The following COL19A1 variants were observed in gnomAD, a reference collection of about 807,000 sequenced individuals.
COL19A1 encodes the protein collagen type XIX alpha 1 chain, also known as collagen alpha-1(XIX) chain.
In COL19A1, 159 loss-of-function variants were observed where a neutral mutation model predicts 190.2. The ratio of observed to expected loss-of-function variants is 0.84; its 90% CI spans 0.73 to 0.95. The LOEUF (loss-of-function observed/expected upper bound fraction) is 0.95, where lower values mean the gene tolerates loss of function less well. Ranked by LOEUF, COL19A1 falls within the 40% of genes least tolerant of loss-of-function variation. The pLI is 0.00. For synonymous variants in COL19A1, 509 were observed against 458.9 expected, an observed-to-expected ratio of 1.11 and a Z score of -1.39; for missense variants, 1,418 against 1,431.9, an observed-to-expected ratio of 0.99 and a Z score of 0.16.
At chr6:69,934,449 GA>G (rs1772975658) in intron 7 of COL19A1, among the ~76,000 whole-genome samples, 1 of 151,730 alleles carries the variant, frequency 6.6e-6, no homozygotes, top group South Asian at 2.1e-4. Flanking sequence ...ATGATATTTT[GA>G]TATATCTGAA....
intron 25 of COL19A1, 42 bp downstream of exon 25, chr6:70,145,049 A>G (rs1249202851): frequency 6.7e-6 from 9 of 1,335,628 alleles, no homozygotes; most frequent in Non-Finnish European, 9.5e-6. Context: ...TTGCAAGTTC[A>G]TTAATTACTA....
intron 15 of COL19A1, among the ~76,000 whole-genome samples, chr6:70,082,813 A>T (rs1012395062): frequency 5.3e-5 from 8 of 152,192 alleles, no homozygotes; most frequent in Non-Finnish European, 1.0e-4. Context: ...ACTGGGGTTG[A>T]AGATAGGGTT....
chr6:70,180,331 G>A lies in COL19A1; in HGVS notation c.2687G>A (p.Gly896Glu), dbSNP rs761159809. ...TGCCAGGGAAAACCTGGTGCCCCAG[G>A]GCCTCCAGGAGTTCCAGGGGAACCG... ...AGMSGKPGAP[G>E]PPGVPGEPGE... Residue 896 changes from glycine to glutamate, a missense_variant, in exon 43 of 51, where the codon GGG becomes GAG. Gly to Glu is a moderately conservative substitution (Grantham distance 98). Transcript: ENST00000620364. The A allele has an allele frequency of 3.1e-6, 5 of 1,614,080 alleles. No individual in the cohort carries two copies. Among genetic ancestry groups the A allele is most frequent in the Non-Finnish European group, 4.2e-6 (5 of 1,180,004 alleles).
chr6:69,921,481 T>TATATTCATATATATCATATATATTC (rs1771892125), intron 4 of COL19A1, among the ~76,000 whole-genome samples: 3 of 86,412 alleles, frequency 3.5e-5, no homozygotes, highest in African/African-American at 1.8e-4. Flanking sequence ...CATATATTCA[T>TATATTCATATATATCATATATATTC]ATATATTCAT....
intron 15 of COL19A1, among the ~76,000 whole-genome samples, chr6:70,072,566 T>C (rs368363077): frequency 2.6e-5 from 4 of 152,154 alleles, no homozygotes; most frequent in African/African-American, 9.7e-5. Context: ...TGCTCTCAAT[T>C]TATCCTCTCT....
intron 7 of COL19A1, among the ~76,000 whole-genome samples, chr6:69,933,887 A>C (rs1772938982): frequency 6.6e-6 from 1 of 152,122 alleles, no homozygotes; most frequent in East Asian, 1.9e-4. Flanking sequence ...GGACAGAAAG[A>C]TATTCAAAGG....
At chr6:70,079,047 A>G (rs1349361992) in intron 15 of COL19A1, among the ~76,000 whole-genome samples, 1 of 152,208 alleles carries the variant, frequency 6.6e-6, no homozygotes, top group Non-Finnish European at 1.5e-5. Context: ...AGTGTGGGCG[A>G]CAAAGGAGAC....
At chr6:70,123,348 A>G (rs1349418199) in intron 17 of COL19A1, among the ~76,000 whole-genome samples, 1 of 152,024 alleles carries the variant, frequency 6.6e-6, no homozygotes, top group Non-Finnish European at 1.5e-5. Flanking sequence ...GAACACTTTT[A>G]CATTGTTGGT....
chr6:69,969,827 G>A (rs1775320825), intron 11 of COL19A1, among the ~76,000 whole-genome samples: 1 of 152,166 alleles, frequency 6.6e-6, no homozygotes, highest in Admixed American at 6.5e-5. Context: ...GGGTGGCTGG[G>A]CTAGTTTGGC....
intron 34 of COL19A1, 124 bp downstream of exon 34, chr6:70,156,847 A>G: frequency 1.7e-6 from 1 of 577,826 alleles, no homozygotes; most frequent in Non-Finnish European, 2.9e-6. Context: ...AACAAAGACC[A>G]CTTAGAGCTT....
chr6:70,151,535 C>A, intron 31 of COL19A1, 97 bp downstream of exon 31: 1 of 1,163,248 alleles, frequency 8.6e-7, no homozygotes. Flanking sequence ...TTAGCTGGAA[C>A]TAAAATTCAA....
At chr6:69,975,271 A>G (rs993163676) in intron 11 of COL19A1, among the ~76,000 whole-genome samples, 1 of 152,192 alleles carries the variant, frequency 6.6e-6, no homozygotes, top group African/African-American at 2.4e-5. Context: ...TAATGTTATA[A>G]CTCATCAGTG....
At chr6:69,958,742 G>A (rs1774586536) in intron 9 of COL19A1, among the ~76,000 whole-genome samples, 1 of 150,988 alleles carries the variant, frequency 6.6e-6, no homozygotes, top group Non-Finnish European at 1.5e-5. Flanking sequence ...ATGTGTGCAT[G>A]TATGTAGCAG....
At chr6:69,901,813 A>C (rs1436317315) in intron 4 of COL19A1, among the ~76,000 whole-genome samples, 2 of 152,260 alleles carry the variant, frequency 1.3e-5, no homozygotes, top group African/African-American at 4.8e-5. Flanking sequence ...AATGCTGGCC[A>C]GATGGCAAAA....
At chr6:69,900,391 C>A in intron 4 of COL19A1, 53 bp downstream of exon 4, 1 of 955,094 alleles carries the variant, frequency 1.0e-6, no homozygotes, top group Non-Finnish European at 1.5e-6. Context: ...AAATTATTTT[C>A]TAAAGAGATT....
chr6:69,933,275 T>A (rs1166280705), intron 7 of COL19A1, among the ~76,000 whole-genome samples: 1 of 152,142 alleles, frequency 6.6e-6, no homozygotes, highest in African/African-American at 2.4e-5. Flanking sequence ...ATCTTCCATT[T>A]TCCTGTTACT....
chr6:70,096,991 G>A (rs1296571728), intron 15 of COL19A1, among the ~76,000 whole-genome samples: 1 of 152,108 alleles, frequency 6.6e-6, no homozygotes. Context: ...TCATTTGTGG[G>A]TTTGGGGTCT....
chr6:69,944,726 A>G (rs1773687686), intron 9 of COL19A1, among the ~76,000 whole-genome samples: 1 of 151,910 alleles, frequency 6.6e-6, no homozygotes, highest in Non-Finnish European at 1.5e-5. Context: ...ATGATTTACT[A>G]CTTTTTCTTT....
intron 11 of COL19A1, among the ~76,000 whole-genome samples, chr6:70,021,787 A>G (rs981218930): frequency 6.6e-5 from 10 of 152,252 alleles, no homozygotes; most frequent in African/African-American, 2.4e-4. Flanking sequence ...ACTGAATTTT[A>G]CATTTAATTT....
Sources: gnomAD v4.1 joint callset for allele counts (sites outside exome capture counted in the v4.1 genomes callset) on GRCh38, gnomAD v4.1.1 for gene constraint, MANE v1.5 for transcripts, NCBI Gene and HGNC (gene_info 2026-07-23, HGNC 2026-07-21) for gene names.